GLIS3: variants seen among roughly 807,000 people sequenced by gnomAD.
The protein encoded by GLIS3 is zinc finger protein GLIS3.
Under a neutral mutation model 78.6 loss-of-function variants are expected in GLIS3, and 53 were observed. The observed-to-expected ratio is 0.67, with a 90% CI of 0.54 to 0.85. The LOEUF is 0.85. GLIS3 is among the 40% of genes least tolerant of loss of function. GLIS3 has a pLI of 0.00. For synonymous variants in GLIS3, 684 were observed against 509.9 expected, an observed-to-expected ratio of 1.34 and a Z score of -4.60; for missense variants, 1,703 against 1,231.1, an observed-to-expected ratio of 1.38 and a Z score of -5.74.
At chr9:4,110,672 T>C (rs924324481) in intron 4 of GLIS3, among the ~76,000 whole-genome samples, 16 of 152,126 alleles carry the variant, frequency 1.1e-4, no homozygotes, top group African/African-American at 3.6e-4. Context: ...AAATCAAGCC[T>C]TCCCTACTCA....
intron 2 of GLIS3, among the ~76,000 whole-genome samples, chr9:4,341,205 C>T (rs1346096143): frequency 2.0e-5 from 3 of 152,214 alleles, no homozygotes; most frequent in Non-Finnish European, 4.4e-5. Context: ...AACAAGACTG[C>T]TCTCTATCCA....
At chr9:4,015,393 T>C (rs1468690397) in intron 4 of GLIS3, among the ~76,000 whole-genome samples, 2 of 152,236 alleles carry the variant, frequency 1.3e-5, no homozygotes, top group Admixed American at 6.5e-5. Flanking sequence ...AGATGTTACC[T>C]GTAAAATATT....
chr9:4,370,283 T>C, the GLIS3 span, among the ~76,000 whole-genome samples: 212 of 151,804 alleles, frequency 1.4e-3, 1 homozygote, highest in Non-Finnish European at 2.5e-3. Flanking sequence ...TCCCCTTCCA[T>C]GTGACAGTCT....
chr9:4,397,026 T>TTTTCTTTTTC, the GLIS3 span, among the ~76,000 whole-genome samples: 1 of 129,176 alleles, frequency 7.7e-6, no homozygotes, highest in African/African-American at 3.2e-5. Context: ...CTTTTTTTCT[T>TTTTCTTTTTC]TTTTTTTTTT....
chr9:4,302,110 C>A (rs1358028433), upstream of GLIS3, among the ~76,000 whole-genome samples: 1 of 151,904 alleles, frequency 6.6e-6, no homozygotes, highest in Admixed American at 6.6e-5. Context: ...AGAATGAGAT[C>A]TGTACCTCTT....
intron 2 of GLIS3, among the ~76,000 whole-genome samples, chr9:4,251,187 T>G (rs1223074252): frequency 6.6e-6 from 1 of 152,204 alleles, no homozygotes; most frequent in African/African-American, 2.4e-5. Flanking sequence ...CATTGATCTG[T>G]CTAATATTGG....
chr9:4,378,314 A>C, the GLIS3 span, among the ~76,000 whole-genome samples: 1 of 152,054 alleles, frequency 6.6e-6, no homozygotes, highest in African/African-American at 2.4e-5. Flanking sequence ...CTTTTTTAGT[A>C]TAAGTATATC....
At chr9:4,062,136 T>C (rs1826705514) in intron 4 of GLIS3, among the ~76,000 whole-genome samples, 1 of 152,242 alleles carries the variant, frequency 6.6e-6, no homozygotes, top group African/African-American at 2.4e-5. Flanking sequence ...AGTTAATGTC[T>C]GTAAAGGACT....
intron 2 of GLIS3, among the ~76,000 whole-genome samples, chr9:4,329,903 C>T (rs998504287): frequency 6.6e-6 from 1 of 152,126 alleles, no homozygotes; most frequent in Non-Finnish European, 1.5e-5. Flanking sequence ...TAGATGGGGA[C>T]ACAGATGAAT....
the GLIS3 span, among the ~76,000 whole-genome samples, chr9:4,391,066 C>T: frequency 6.6e-6 from 1 of 152,166 alleles, no homozygotes; most frequent in Admixed American, 6.5e-5. Flanking sequence ...CCATCTCACT[C>T]TCCCTTTCTA....
At chr9:4,450,581 T>C in the GLIS3 span, among the ~76,000 whole-genome samples, 5 of 152,144 alleles carry the variant, frequency 3.3e-5, no homozygotes, top group African/African-American at 4.8e-5. Context: ...GGAAAAAATG[T>C]TAAGGGCAGC....
chr9:4,220,414 A>G (rs1415477327), intron 2 of GLIS3, among the ~76,000 whole-genome samples: 3 of 152,252 alleles, frequency 2.0e-5, no homozygotes, highest in African/African-American at 7.2e-5. Context: ...TTCACAGTAG[A>G]GAAAACTGGC....
intron 5 of GLIS3, chr9:3,932,817 T>A: frequency 4.6e-6 from 2 of 439,072 alleles, no homozygotes; most frequent in South Asian, 1.6e-5. Flanking sequence ...CTGAGAATAA[T>A]CTTTGGTACT....
At chr9:4,372,563 A>G in the GLIS3 span, among the ~76,000 whole-genome samples, 58 of 152,030 alleles carry the variant, frequency 3.8e-4, no homozygotes, top group African/African-American at 1.4e-3. Context: ...ATAAAAAAAA[A>G]AAAAAAAAAA....
Position 3,828,260 on chromosome 9 carries a change from C to T in GLIS3, c.*12G>A. On this transcript the variant is annotated 3_prime_UTR_variant, in exon 11 of 11. Transcript: ENST00000381971. ...CAAGGTCCTGGGTGTGCAGGAGTGGCCAAGAGAGCTTTTAGCCTTCGGTGT... is the reference window on the plus strand; with the variant it reads ...CAAGGTCCTGGGTGTGCAGGAGTGGTCAAGAGAGCTTTTAGCCTTCGGTGT... 2 of 1,613,940 alleles carry T rather than the reference C, an allele frequency of 1.2e-6. No individual in the cohort carries two copies. The highest frequency in any genetic ancestry group is 1.7e-6 in the Non-Finnish European group (2 of 1,179,978).
At chr9:3,893,178 G>A (rs1822577739) in intron 7 of GLIS3, among the ~76,000 whole-genome samples, 1 of 152,162 alleles carries the variant, frequency 6.6e-6, no homozygotes, top group Non-Finnish European at 1.5e-5. Context: ...CAATTGCCCA[G>A]CCTCGCTACT....
the GLIS3 span, among the ~76,000 whole-genome samples, chr9:4,450,854 A>G: frequency 9.2e-5 from 14 of 152,202 alleles, no homozygotes; most frequent in African/African-American, 3.1e-4. Flanking sequence ...AGGAAGCACT[A>G]AACATGGAAA....
At chr9:4,461,788 C>A in the GLIS3 span, among the ~76,000 whole-genome samples, 3 of 152,236 alleles carry the variant, frequency 2.0e-5, no homozygotes, top group African/African-American at 7.2e-5. Context: ...CAGCATAGGT[C>A]CTAAAATAAA....
Position 3,937,263 on chromosome 9 carries a change from A to G in GLIS3, c.1711-74T>C. The G allele has an allele frequency of 4.0e-6, 6 of 1,505,510 alleles. No individual in the cohort carries two copies. The South Asian group carries it at 5.7e-5, about 14-fold the overall frequency. 93.3% of individuals were successfully genotyped at this position (1,505,510 alleles called of 1,614,324 possible). On this transcript the variant is annotated intron_variant, in intron 4 of 10. Transcript: ENST00000381971. ...TGAGTCTGGGGGACAGCTAAAAAAAAAATGTTCTTAGTTGGTACTTTGCCG... is the reference window on the plus strand; with the variant it reads ...TGAGTCTGGGGGACAGCTAAAAAAAGAATGTTCTTAGTTGGTACTTTGCCG...
Sources: gnomAD v4.1 joint callset for allele counts (sites outside exome capture counted in the v4.1 genomes callset) on GRCh38, gnomAD v4.1.1 for gene constraint, MANE v1.5 for transcripts, NCBI Gene and HGNC (gene_info 2026-07-23, HGNC 2026-07-21) for gene names.